Variants in MMP9 observed in about 807,000 individuals in gnomAD.
MMP9 encodes matrix metalloproteinase-9.
A neutral mutation model predicts 76.4 loss-of-function variants in MMP9; 73 were observed. The ratio of observed to expected loss-of-function variants is 0.96; its 90% confidence interval spans 0.79 to 1.16. The LOEUF (loss-of-function observed/expected upper bound fraction) is 1.16, where lower values mean the gene tolerates loss of function less well. Ranked by LOEUF, MMP9 falls within the 50% of genes most tolerant of loss-of-function variation. The probability of loss-of-function intolerance (pLI) is 0.00; values close to 1 mark genes in which losing one functional copy is unlikely to be tolerated. For synonymous variants in MMP9, 412 were observed against 408.4 expected, an observed-to-expected ratio of 1.01 and a Z score of -0.11; for missense variants, 943 against 973.0, an observed-to-expected ratio of 0.97 and a Z score of 0.41.
chr20:46,013,563 G>A lies in MMP9; in HGVS notation c.1610+29G>A. ...AGGAGGCGGGGTTGTGTGGATGCGG[G>A]AGGGGGCTTTGCGGAGGGGCTGCCC... On this transcript the variant is annotated intron_variant, in intron 9 of 12. Transcript: ENST00000372330. The surrounding 1 kb of genome is among the most constrained non-coding windows in gnomAD (Gnocchi z 4.5). The A allele has an allele frequency of 6.2e-7, 1 of 1,612,330 alleles. No homozygotes were observed.
Position 46,011,764 on chromosome 20 carries a change from T to G in MMP9, c.997+17T>G. ...CGACCCGAGGTACCTCCACCCTGTC[T>G]ACCAGGTTCAGCCCCGCCCTCTCAT... On this transcript the variant is annotated intron_variant, in intron 6 of 12. Transcript: ENST00000372330. 3 of 1,604,696 alleles carry G rather than the reference T, an allele frequency of 1.9e-6. No individual in the cohort carries two copies. The highest frequency in any genetic ancestry group is 2.5e-6 in the Non-Finnish European group (3 of 1,178,090).
chr20:46,013,321 C>T lies in MMP9; in HGVS notation c.1397C>T (p.Thr466Met), dbSNP rs1291812181. The change falls in exon 9 of 13, where the codon ACG (threonine) becomes ATG (methionine). Residue 466 changes from threonine to methionine, a missense_variant. Transcript: ENST00000372330. This position sits in a 1 kb window ranked among gnomAD's most constrained non-coding sequence, Gnocchi z 4.5. ...TTTPQPTAPP[T>M]VCPTGPPTVH... ...ACACCGCAGCCCACGGCTCCCCCGA[C>T]GGTCTGCCCCACCGGACCCCCCACT... 7 of 1,613,806 alleles carry T rather than the reference C, an allele frequency of 4.3e-6. No homozygotes were observed. In the African/African-American group the frequency reaches 8.0e-5, roughly 18 times the overall value.
chr20:46,010,791 G>A lies in MMP9; in HGVS notation c.521-131G>A, dbSNP rs533908033. On this transcript the variant is annotated intron_variant, in intron 3 of 12. Transcript: ENST00000372330. The stretch of plus-strand genomic sequence containing the variant: ...CTGCCAGACAGTGCACAGGGCCAGG[G>A]CGCCAGGCTGGGAGAGCTTCGCGCA... 3.8e-6 allele frequency: 6 copies of A among 1,567,320 alleles called. No homozygotes were observed. The African/African-American group carries it at 8.1e-5, about 21-fold the overall frequency.
At position 46,013,241 on chromosome 20, in the gene MMP9, G is replaced by A. The variant is rs368108119; in HGVS notation, c.1331-14G>A. On this transcript the variant is annotated splice_polypyrimidine_tract_variant and intron_variant, in intron 8 of 12. Coordinates refer to ENST00000372330, the MANE Select transcript of MMP9 (RefSeq NM_004994.3). The surrounding 1 kb of genome is among the most constrained non-coding windows in gnomAD (Gnocchi z 4.5). Reference sequence around the variant, plus strand: ...GCAGGAATAGGAAGAGTCTCACCCCGTGTCTCTTTTTAGGTCCTCGCCCTG... The same window carrying A: ...GCAGGAATAGGAAGAGTCTCACCCCATGTCTCTTTTTAGGTCCTCGCCCTG... 7 of 1,614,040 alleles carry A rather than the reference G, an allele frequency of 4.3e-6. No individual in the cohort carries two copies. The highest frequency in any genetic ancestry group is 2.2e-5 in the East Asian group (1 of 44,862).
At position 46,013,464 on chromosome 20, in the gene MMP9, G is replaced by C; in HGVS notation, c.1540G>C (p.Asp514His). ...ATTVPLSPVDDACNVNIFDAI... is the reference protein window; with the variant it reads ...ATTVPLSPVDHACNVNIFDAI... ...TACTGTGCCTTTGAGTCCGGTGGAC[G>C]ATGCCTGCAACGTGAACATCTTCGA... Residue 514 changes from aspartate to histidine, a missense_variant, in exon 9 of 13, where the codon GAT becomes CAT. By Grantham distance (81) the Asp-to-His change is moderately conservative. Transcript: ENST00000372330. The surrounding 1 kb of genome is among the most constrained non-coding windows in gnomAD (Gnocchi z 4.5). The C allele has an allele frequency of 6.2e-7, 1 of 1,614,088 alleles. No individual in the cohort carries two copies. Among genetic ancestry groups the C allele is most frequent in the South Asian group, 1.1e-5 (1 of 91,064 alleles).
rs796972949 is a variant in MMP9 at position 46,010,333 on chromosome 20, A to AAAAAAAAAAAAAAAAAAC, written c.372-142_372-141insAAAAAAAAACAAAAAAAA. Reference sequence around the variant, plus strand: ...GGGTCTAAGTAGACAAAAAAAAAAAAAAAAAAAACAGTCTGGAAGCAATTT... The same window carrying AAAAAAAAAAAAAAAAAAC: ...GGGTCTAAGTAGACAAAAAAAAAAAAAAAAAAAAAAAAAAAAACAAAAAAAACAGTCTGGAAGCAATTT... On this transcript the variant is annotated intron_variant, in intron 2 of 12. Transcript: ENST00000372330. 6.5e-5 allele frequency: 54 copies of AAAAAAAAAAAAAAAAAAC among 828,814 alleles called. 2 individuals carry two copies. In the African/African-American group the frequency reaches 9.7e-4, roughly 15 times the overall value. 51.3% of individuals were successfully genotyped at this position (828,814 alleles called of 1,614,324 possible).
At position 46,014,270 on chromosome 20, in the gene MMP9, T is replaced by C; in HGVS notation, c.1897T>C (p.Trp633Arg). The change falls in exon 11 of 13, where the codon TGG (tryptophan) becomes CGG (arginine). Residue 633 changes from tryptophan to arginine, a missense_variant. Physicochemically the swap from Trp to Arg is moderately radical, Grantham distance 101 (BLOSUM62 -3). Coordinates refer to ENST00000372330, the MANE Select transcript of MMP9 (RefSeq NM_004994.3). ...GCTGCTGTTCAGCGGGCGGCGCCTC[T>C]GGAGGTGAGCGCCGCCGCGGCCGCC... Reference protein sequence around the residue: ...KMLLFSGRRLWRFDVKAQMVD... With the variant: ...KMLLFSGRRLRRFDVKAQMVD... The C allele has an allele frequency of 7.1e-7, 1 of 1,417,046 alleles. No homozygotes were observed. Among genetic ancestry groups the C allele is most frequent in the Non-Finnish European group, 9.3e-7 (1 of 1,069,612 alleles). 87.8% of individuals were successfully genotyped at this position (1,417,046 alleles called of 1,614,324 possible). A position where few individuals can be genotyped will look rare whatever the true frequency, so the allele number is the denominator to read the frequency against.
In MMP9 at chr20:46,011,319, G is replaced by A. The variant is rs1428602080; in HGVS notation, c.823+3G>A. On this transcript the variant is annotated splice_donor_region_variant and intron_variant, in intron 5 of 12. Coordinates refer to ENST00000372330, the MANE Select transcript of MMP9 (RefSeq NM_004994.3). ...GTTTGGCTTCTGCCCCAGCGAGAGT[G>A]AGTGAGGGGGCTCGCCGAGGGCTGG... 1 of 1,601,010 alleles carries A rather than the reference G, an allele frequency of 6.2e-7. No homozygotes were observed. Among genetic ancestry groups the A allele is most frequent in the Non-Finnish European group, 8.5e-7 (1 of 1,176,786 alleles).
intron 8 of MMP9, 135 bp downstream of exon 8, chr20:46,012,717 C>A: frequency 1.5e-6 from 2 of 1,327,236 alleles, no homozygotes; most frequent in Non-Finnish European, 1.0e-6. Context: ...TGTCTGGAAG[C>A]AGAGCCTGGG....
At chr20:46,011,484 C>T (rs2084278141) in intron 5 of MMP9, 90 bp from the exon 6 acceptor site, 12 of 1,575,822 alleles carry the variant, frequency 7.6e-6, no homozygotes, top group Non-Finnish European at 7.8e-6. Flanking sequence ...GAACTGCAGA[C>T]CATCCATGGG....
In MMP9 at chr20:46,014,234, A is replaced by T. The variant is rs1466072965; in HGVS notation, c.1861A>T (p.Arg621Trp). The change falls in exon 11 of 13, where the codon AGG becomes TGG. Residue 621 changes from arginine (R) to tryptophan (W), a missense_variant. By Grantham distance (101) the Arg-to-Trp change is moderately radical. Coordinates refer to ENST00000372330, the MANE Select transcript of MMP9 (RefSeq NM_004994.3). The stretch of plus-strand genomic sequence containing the variant: ...GGTGACCGGGGCCCTCCGGAGTGGC[A>T]GGGGGAAGATGCTGCTGTTCAGCGG... ...AQVTGALRSG[R>W]GKMLLFSGRR... The T allele has an allele frequency of 6.9e-7, 1 of 1,453,648 alleles. No homozygotes were observed. Among genetic ancestry groups the T allele is most frequent in the South Asian group, 1.2e-5 (1 of 82,292 alleles). The allele number at this position is 1,453,648 out of a possible 1,614,324, so 90.0% of individuals were successfully genotyped here. A position where few individuals can be genotyped will look rare whatever the true frequency, so the allele number is the denominator to read the frequency against.
At position 46,015,196 on chromosome 20, in the gene MMP9, G is replaced by A. The variant is rs537141975; in HGVS notation, c.2005+722G>A. Among the ~76,000 whole-genome samples, 4 of 152,220 alleles carry A rather than the reference G, an allele frequency of 2.6e-5. No homozygotes were observed. The East Asian group carries it at 7.7e-4, about 29-fold the overall frequency. ...GTTCTCATCTCTTCCCACTCCTCCT[G>A]TTATTTACTCTGCTCCACCCACACT... On this transcript the variant is annotated intron_variant, in intron 12 of 12. Coordinates refer to ENST00000372330, the MANE Select transcript of MMP9 (RefSeq NM_004994.3).
At chr20:46,009,185 C>A in intron 1 of MMP9, 121 bp downstream of exon 1, 1 of 1,141,880 alleles carries the variant, frequency 8.8e-7, no homozygotes, top group Non-Finnish European at 1.3e-6. Flanking sequence ...ATGGGCGTAT[C>A]TGAAGAACAG....
At position 46,014,126 on chromosome 20, in the gene MMP9, C is replaced by T; in HGVS notation, c.1753C>T (p.Arg585Cys). Residue 585 changes from arginine to cysteine, a missense_variant and splice_region_variant, in exon 11 of 13, where the codon CGC (arginine) becomes TGC (cysteine). Coordinates refer to ENST00000372330, the MANE Select transcript of MMP9 (RefSeq NM_004994.3). ...GACGTGACCCTCCTCCCCTGCAGGG[C>T]GCCAGGTGTGGGTGTACACAGGCGC... ...LSKKLFFFSG[R>C]QVWVYTGASV... is the part of the protein sequence containing the mutation. 1 of 1,535,236 alleles carries T rather than the reference C, an allele frequency of 6.5e-7. No individual in the cohort carries two copies. The highest frequency in any genetic ancestry group is 2.0e-5 in the Admixed American group (1 of 50,998).
At position 46,011,062 on chromosome 20, in the gene MMP9, A is replaced by C; in HGVS notation, c.649+12A>C. ...GGGCAAGGGCGTCGGTGAGATTCTG[A>C]GTCCTCCTGGCCCCTGATTCCCTTC... On this transcript the variant is annotated intron_variant, in intron 4 of 12. Transcript: ENST00000372330. 1.9e-6 allele frequency: 3 copies of C among 1,609,854 alleles called. No homozygotes were observed. The highest frequency in any genetic ancestry group is 1.1e-5 in the South Asian group (1 of 90,540).
intron 8 of MMP9, 62 bp downstream of exon 8, chr20:46,012,644 A>C (rs2084290627): frequency 7.4e-6 from 10 of 1,354,474 alleles, no homozygotes; most frequent in Admixed American, 5.4e-5. Context: ...ACAGTACCAA[A>C]GAATTGGGGG....
At position 46,013,870 on chromosome 20, in the gene MMP9, C is replaced by G; in HGVS notation, c.1750+74C>G. On this transcript the variant is annotated intron_variant, in intron 10 of 12. Transcript: ENST00000372330. This position sits in a 1 kb window ranked among gnomAD's most constrained non-coding sequence, Gnocchi z 4.5. ...AGGAGGCTCAAGAGACCATCGATAA[C>G]CCACGAAACGTCTTGTGCGTTTTAG... The G allele has an allele frequency of 6.3e-7, 1 of 1,590,374 alleles. No individual in the cohort carries two copies. The highest frequency in any genetic ancestry group is 8.6e-7 in the Non-Finnish European group (1 of 1,165,412).
intron 1 of MMP9, 135 bp downstream of exon 1, chr20:46,009,199 T>C: frequency 1.9e-6 from 2 of 1,029,796 alleles, no homozygotes; most frequent in Non-Finnish European, 2.9e-6. Context: ...AGAACAGAGG[T>C]GTCCAGGGTT....
chr20:46,011,490 A>G, intron 5 of MMP9, 84 bp from the exon 6 acceptor site: 6 of 1,588,268 alleles, frequency 3.8e-6, no homozygotes, highest in East Asian at 2.2e-5. Flanking sequence ...CAGACCATCC[A>G]TGGGTCAAAG....
Sources: allele counts gnomAD v4.1 joint callset (sites outside exome capture counted in the v4.1 genomes callset), GRCh38; gene constraint gnomAD v4.1.1; non-coding constraint Gnocchi (gnomAD v3.1); transcripts MANE v1.5; gene names NCBI Gene and HGNC (gene_info 2026-07-23, HGNC 2026-07-21).